Variants in GABRG3 observed in about 807,000 individuals in gnomAD.
GABRG3 encodes gamma-aminobutyric acid receptor subunit gamma-3.
A neutral mutation model predicts 48.8 loss-of-function variants in GABRG3; 25 were observed. The observed-to-expected ratio is 0.51, with a 90% CI of 0.37 to 0.72. The LOEUF is 0.72. Ranked by LOEUF, GABRG3 falls within the 30% of genes least tolerant of loss-of-function variation. The pLI is 0.00. For missense variants in GABRG3, 394 were observed against 577.9 expected (o/e 0.68, Z 3.26); for synonymous variants, 227 against 217.6 (o/e 1.04, Z -0.38).
rs369322806 is a variant in GABRG3, at chr15:26,971,515, C to T, written c.-21C>T. 2.7e-5 allele frequency: 40 copies of T among 1,506,728 alleles called. No homozygotes were observed. Among genetic ancestry groups the T allele is most frequent in the Non-Finnish European group, 3.4e-5 (38 of 1,127,192 alleles). 93.3% of individuals were successfully genotyped at this position (1,506,728 alleles called of 1,614,324 possible). On this transcript the variant is annotated 5_prime_UTR_variant, in exon 1 of 10. Coordinates refer to ENST00000615808, the MANE Select transcript of GABRG3 (RefSeq NM_033223.5). ...CGCCCGGCCGAGGCCCCGGACCCTG[C>T]GCCCCGAGCTCCACGGCACCATGGC... is the stretch of plus-strand genomic sequence containing the variant.
At chr15:27,341,000 G>A (rs1158033841) in intron 5 of GABRG3, 1 of 514,124 alleles carries the variant, frequency 1.9e-6, no homozygotes, top group Non-Finnish European at 3.9e-6. Context: ...AGAAGGGCAA[G>A]ATGGCTGGAA....
chr15:27,375,918 A>G (rs28373222), intron 5 of GABRG3, among the ~76,000 whole-genome samples: 46,544 of 152,074 alleles, frequency 0.31, 7,262 homozygotes, highest in Middle Eastern at 0.41. Context: ...TCATTTCAGC[A>G]TTAACTCAAA....
At chr15:27,317,228 T>A (rs577203944) in intron 3 of GABRG3, among the ~76,000 whole-genome samples, 2 of 152,220 alleles carry the variant, frequency 1.3e-5, no homozygotes, top group East Asian at 3.9e-4. Context: ...TCCTCTACCC[T>A]CTCCATGGTG....
At chr15:27,272,315 T>G (rs1359663639) in intron 3 of GABRG3, among the ~76,000 whole-genome samples, 3 of 152,210 alleles carry the variant, frequency 2.0e-5, no homozygotes, top group African/African-American at 7.2e-5. Context: ...TAGGTTCCAC[T>G]GTCACAAAGA....
intron 3 of GABRG3, among the ~76,000 whole-genome samples, chr15:27,160,598 C>G (rs562743323): frequency 2.6e-5 from 4 of 151,736 alleles, no homozygotes; most frequent in African/African-American, 9.7e-5. Flanking sequence ...TCTGAAGGAT[C>G]TTTCTAATAC....
At chr15:27,019,138 G>A (rs1566910584) in intron 2 of GABRG3, among the ~76,000 whole-genome samples, 1 of 138,864 alleles carries the variant, frequency 7.2e-6, no homozygotes, top group Non-Finnish European at 1.5e-5. Flanking sequence ...GTGCGATCTG[G>A]GCTCACTGCA....
intron 3 of GABRG3, among the ~76,000 whole-genome samples, chr15:27,102,354 G>A (rs1897376059): frequency 6.6e-6 from 1 of 152,218 alleles, no homozygotes. Flanking sequence ...CCACGAGGGA[G>A]CTAGAAACTC....
At chr15:26,987,021 G>T (rs1423177354) in intron 2 of GABRG3, among the ~76,000 whole-genome samples, 1 of 152,200 alleles carries the variant, frequency 6.6e-6, no homozygotes, top group Admixed American at 6.5e-5. Flanking sequence ...ACTTTGGAAG[G>T]CCAAGGTGGG....
At chr15:27,419,538 C>G (rs940910502) in intron 5 of GABRG3, among the ~76,000 whole-genome samples, 1 of 152,108 alleles carries the variant, frequency 6.6e-6, no homozygotes, top group African/African-American at 2.4e-5. Context: ...TTGCTGTTAC[C>G]AAAGGATGGA....
At chr15:26,986,623 G>A (rs1026916956) in intron 2 of GABRG3, among the ~76,000 whole-genome samples, 2 of 152,162 alleles carry the variant, frequency 1.3e-5, no homozygotes, top group African/African-American at 2.4e-5. Flanking sequence ...TTAAAAATAT[G>A]TGCTGGATTT....
chr15:27,497,642 T>C (rs928299444), intron 6 of GABRG3, among the ~76,000 whole-genome samples: 1 of 152,258 alleles, frequency 6.6e-6, no homozygotes, highest in East Asian at 1.9e-4. Context: ...ATTATTTTAA[T>C]TGGCAGATTT....
chr15:27,022,588 A>G (rs1895915746), intron 2 of GABRG3, among the ~76,000 whole-genome samples: 1 of 152,214 alleles, frequency 6.6e-6, no homozygotes, highest in South Asian at 2.1e-4. Flanking sequence ...ATAAAATACA[A>G]TTTATTTCCT....
intron 3 of GABRG3, among the ~76,000 whole-genome samples, chr15:27,251,251 C>T (rs115894521): frequency 1.8e-3 from 280 of 152,220 alleles, no homozygotes; most frequent in African/African-American, 6.2e-3. Flanking sequence ...TTGTCCTCAG[C>T]GGTGCCTGTT....
chr15:27,406,655 G>T (rs908678584), intron 5 of GABRG3, among the ~76,000 whole-genome samples: 4 of 152,202 alleles, frequency 2.6e-5, no homozygotes, highest in Non-Finnish European at 5.9e-5. Context: ...AACTGTCACA[G>T]ATTGGAGGAA....
At chr15:27,043,483 C>G (rs1272033439) in intron 3 of GABRG3, among the ~76,000 whole-genome samples, 2 of 152,160 alleles carry the variant, frequency 1.3e-5, no homozygotes, top group Non-Finnish European at 2.9e-5. Context: ...GCCAGCTCAC[C>G]TGAGCTGGTA....
intron 5 of GABRG3, among the ~76,000 whole-genome samples, chr15:27,374,824 A>C (rs993948408): frequency 6.6e-6 from 1 of 152,150 alleles, no homozygotes; most frequent in African/African-American, 2.4e-5. Flanking sequence ...CAGTGGGCGG[A>C]AACTGTAGGA....
At chr15:27,528,036 C>T in intron 9 of GABRG3, 44 bp downstream of exon 9, 2 of 1,382,190 alleles carry the variant, frequency 1.4e-6, no homozygotes, top group Non-Finnish European at 2.0e-6. Flanking sequence ...AGAACTTTCA[C>T]TAAACTAAGA....
At chr15:27,433,782 C>A (rs1000915972) in intron 5 of GABRG3, among the ~76,000 whole-genome samples, 1 of 152,158 alleles carries the variant, frequency 6.6e-6, no homozygotes, top group African/African-American at 2.4e-5. Context: ...TCACAGGCCA[C>A]CTGCCTCCAA....
chr15:27,408,268 A>C (rs1250864497), intron 5 of GABRG3, among the ~76,000 whole-genome samples: 2 of 152,192 alleles, frequency 1.3e-5, no homozygotes, highest in Admixed American at 6.5e-5. Context: ...TTTTAAGAGG[A>C]CTGCCCTGGG....
Sources: gnomAD v4.1 joint callset for allele counts (sites outside exome capture counted in the v4.1 genomes callset) on GRCh38, gnomAD v4.1.1 for gene constraint, MANE v1.5 for transcripts, NCBI Gene and HGNC (gene_info 2026-07-23, HGNC 2026-07-21) for gene names.